ATRNL1: variants seen among roughly 807,000 people sequenced by gnomAD.
ATRNL1 encodes the protein attractin-like protein 1.
A neutral mutation model predicts 182.7 loss-of-function variants in ATRNL1; 95 were observed. The ratio of observed to expected loss-of-function variants is 0.52; its 90% CI spans 0.44 to 0.62. The LOEUF is 0.62. ATRNL1 is among the 20% of genes least tolerant of loss of function. ATRNL1 has a pLI of 0.00. For synonymous variants in ATRNL1, 576 were observed against 568.3 expected (o/e 1.01, Z -0.19); for missense variants, 1,471 against 1,679.5 (o/e 0.88, Z 2.17).
chr10:115,353,490 A>T (rs1366019192), intron 19 of ATRNL1, among the ~76,000 whole-genome samples: 1 of 152,008 alleles, frequency 6.6e-6, no homozygotes, highest in Non-Finnish European at 1.5e-5. Context: ...TGGGCAGCAT[A>T]TATTTGAGTC....
At chr10:115,494,046 A>C (rs1190270473) in intron 24 of ATRNL1, among the ~76,000 whole-genome samples, 1 of 152,108 alleles carries the variant, frequency 6.6e-6, no homozygotes, top group Non-Finnish European at 1.5e-5. Flanking sequence ...ATAGTTTGCA[A>C]ATATTTTCTC....
chr10:115,297,854 C>CTTT (rs1564889756), intron 15 of ATRNL1, among the ~76,000 whole-genome samples: 2 of 151,876 alleles, frequency 1.3e-5, no homozygotes, highest in African/African-American at 4.8e-5. Context: ...TTGAAATGTG[C>CTTT]TTTTTTGAGA....
intron 20 of ATRNL1, among the ~76,000 whole-genome samples, chr10:115,407,464 A>G (rs1476505428): frequency 6.6e-6 from 1 of 151,866 alleles, no homozygotes; most frequent in Non-Finnish European, 1.5e-5. Flanking sequence ...TAGCTTCCAC[A>G]TGTCTAAAGA....
intron 26 of ATRNL1, among the ~76,000 whole-genome samples, chr10:115,608,936 T>A (rs1259087043): frequency 1.3e-5 from 2 of 152,000 alleles, no homozygotes; most frequent in Non-Finnish European, 2.9e-5. Context: ...ATGGTAATAG[T>A]TACTGGGGAT....
intron 13 of ATRNL1, among the ~76,000 whole-genome samples, chr10:115,272,505 TGGAATTAA>T (rs1554913509): frequency 2.0e-5 from 3 of 152,146 alleles, no homozygotes; most frequent in South Asian, 4.1e-4. Flanking sequence ...TTCCTTCCTC[TGGAATTAA>T]GACATCTAGG....
intron 18 of ATRNL1, among the ~76,000 whole-genome samples, chr10:115,320,767 C>T (rs1854541112): frequency 6.6e-6 from 1 of 151,798 alleles, no homozygotes; most frequent in Non-Finnish European, 1.5e-5. Context: ...TCTCTCTAAA[C>T]TGGTTATTCT....
At chr10:115,832,316 A>C (rs1950578199) in intron 27 of ATRNL1, among the ~76,000 whole-genome samples, 1 of 152,084 alleles carries the variant, frequency 6.6e-6, no homozygotes, top group East Asian at 1.9e-4. Context: ...AGGAGCTGCC[A>C]CTCACCTTTT....
chr10:115,106,095 A>C (rs1226944278), intron 1 of ATRNL1, among the ~76,000 whole-genome samples: 1 of 152,196 alleles, frequency 6.6e-6, no homozygotes, highest in Non-Finnish European at 1.5e-5. Context: ...TGTACTCTGC[A>C]AAGCCACAGG....
chr10:115,690,291 T>C (rs1003565349), intron 26 of ATRNL1, among the ~76,000 whole-genome samples: 3 of 151,980 alleles, frequency 2.0e-5, no homozygotes, highest in South Asian at 2.1e-4. Flanking sequence ...GGGGTGGGTA[T>C]TGGGGGGAGA....
intron 26 of ATRNL1, among the ~76,000 whole-genome samples, chr10:115,632,941 G>C (rs1396388714): frequency 7.4e-6 from 1 of 134,514 alleles, no homozygotes; most frequent in African/African-American, 2.6e-5. Flanking sequence ...CGCCCAGGCT[G>C]GTGTGCAGTG....
intron 10 of ATRNL1, among the ~76,000 whole-genome samples, chr10:115,253,715 A>G (rs1412913295): frequency 1.3e-5 from 2 of 151,916 alleles, no homozygotes; most frequent in South Asian, 4.1e-4. Context: ...CATCATTTAC[A>G]TTAGGTATTT....
intron 7 of ATRNL1, among the ~76,000 whole-genome samples, chr10:115,169,573 T>C (rs1554885070): frequency 6.6e-6 from 1 of 152,126 alleles, no homozygotes; most frequent in Non-Finnish European, 1.5e-5. Flanking sequence ...TTTTGTTCTT[T>C]TACAAGATTG....
At chr10:115,826,308 T>G (rs1950430178) in intron 27 of ATRNL1, among the ~76,000 whole-genome samples, 1 of 151,886 alleles carries the variant, frequency 6.6e-6, no homozygotes. Flanking sequence ...CAGGAAGGAG[T>G]GGTACCCAGT....
rs1387811266 is a variant in ATRNL1, at chr10:115,911,321, A to T, written c.4019-33337A>T. 3.3e-5 allele frequency among the ~76,000 whole-genome samples: 5 copies of T among 149,636 alleles called. No homozygotes were observed. The East Asian group carries it at 8.0e-4, about 24-fold the overall frequency. ...GGCCTAAAACCTATTTTATTTATTT[A>T]TTTATTTATTTTCAAGATGGAGTTT... On this transcript the variant is annotated intron_variant, in intron 28 of 28. Coordinates refer to ENST00000355044, the MANE Select transcript of ATRNL1 (RefSeq NM_207303.4).
intron 19 of ATRNL1, among the ~76,000 whole-genome samples, chr10:115,335,592 C>T (rs533604542): frequency 6.6e-6 from 1 of 152,204 alleles, no homozygotes; most frequent in Non-Finnish European, 1.5e-5. Flanking sequence ...GCAGCTAATA[C>T]AGTTGTACCT....
intron 9 of ATRNL1, among the ~76,000 whole-genome samples, chr10:115,233,517 T>C (rs1554900533): frequency 6.6e-6 from 1 of 152,140 alleles, no homozygotes; most frequent in Non-Finnish European, 1.5e-5. Flanking sequence ...CAGCTTTATA[T>C]TTTTCTCGTC....
At chr10:115,407,034 C>T (rs1318335513) in intron 20 of ATRNL1, among the ~76,000 whole-genome samples, 1 of 152,034 alleles carries the variant, frequency 6.6e-6, no homozygotes, top group African/African-American at 2.4e-5. Context: ...ATAAACTATT[C>T]AGATTTTTGT....
At chr10:115,884,013 G>A (rs528072902) in intron 28 of ATRNL1, among the ~76,000 whole-genome samples, 19 of 152,214 alleles carry the variant, frequency 1.2e-4, no homozygotes, top group African/African-American at 3.1e-4. Flanking sequence ...AAAGAATTGC[G>A]TGCATTTAGA....
intron 25 of ATRNL1, among the ~76,000 whole-genome samples, chr10:115,544,397 C>T (rs895655980): frequency 2.6e-5 from 4 of 152,100 alleles, no homozygotes; most frequent in Non-Finnish European, 5.9e-5. Context: ...TTAATTGGCT[C>T]ATGGTTCTGC....
Sources: allele counts gnomAD v4.1 joint callset (sites outside exome capture counted in the v4.1 genomes callset), GRCh38; gene constraint gnomAD v4.1.1; transcripts MANE v1.5; gene names NCBI Gene and HGNC (gene_info 2026-07-23, HGNC 2026-07-21).